Variants in AGBL3 observed in about 807,000 individuals in gnomAD.
The protein encoded by AGBL3 is AGBL carboxypeptidase 3, also known as cytosolic carboxypeptidase 3.
AGBL3 carries 68 observed loss-of-function variants against 94.5 expected under a neutral mutation model. The observed-to-expected ratio is 0.72, with a 90% confidence interval of 0.59 to 0.88. AGBL3 has a LOEUF of 0.88. Ranked by LOEUF, AGBL3 falls within the 40% of genes least tolerant of loss-of-function variation. The pLI is 0.00. For missense variants in AGBL3, 934 were observed against 1,103.8 expected (o/e 0.85, Z 2.18); for synonymous variants, 354 against 370.7 (o/e 0.95, Z 0.52).
chr7:134,993,183 T>A (rs1425942383), intron 3 of AGBL3, among the ~76,000 whole-genome samples: 1 of 152,200 alleles, frequency 6.6e-6, no homozygotes, highest in East Asian at 1.9e-4. Flanking sequence ...ACAAATAGTG[T>A]GACTACATTT....
At chr7:135,016,995 A>C in intron 4 of AGBL3, 57 bp from the exon 5 acceptor site, 1 of 1,143,542 alleles carries the variant, frequency 8.7e-7, no homozygotes, top group Non-Finnish European at 1.3e-6. Flanking sequence ...TATGCAATAA[A>C]ATTTTTCTGT....
rs370203373 is a variant in AGBL3 at position 135,123,414 on chromosome 7, A to G, written c.2342+7803A>G. The stretch of plus-strand genomic sequence containing the variant: ...ACTTCATAAAAAGACTAAACCTACG[A>G]TTGATCAGAGTACCTGAGGGAGACG... On this transcript the variant is annotated intron_variant, in intron 16 of 16. Transcript: ENST00000436302. Among the ~76,000 whole-genome samples the G allele has an allele frequency of 2.8e-4, 42 of 152,320 alleles. No homozygotes were observed. The East Asian group carries it at 3.3e-3, about 12-fold the overall frequency.
chr7:135,019,310 A>G (rs1335217209), intron 5 of AGBL3, among the ~76,000 whole-genome samples: 2 of 152,196 alleles, frequency 1.3e-5, no homozygotes, highest in African/African-American at 4.8e-5. Context: ...TTTCATTTTC[A>G]TAACAATATC....
chr7:135,110,309 C>T (rs746070792), intron 15 of AGBL3, among the ~76,000 whole-genome samples: 9 of 152,174 alleles, frequency 5.9e-5, no homozygotes, highest in Non-Finnish European at 1.0e-4. Context: ...GGATTCAGCC[C>T]CTTTCCTAGG....
intron 5 of AGBL3, among the ~76,000 whole-genome samples, chr7:135,020,090 T>C (rs1302839826): frequency 2.0e-5 from 3 of 152,138 alleles, no homozygotes; most frequent in African/African-American, 4.8e-5. Flanking sequence ...AGAGCTTCTG[T>C]ACAGCAAAAG....
chr7:135,099,438 G>A (rs536783139), intron 15 of AGBL3, among the ~76,000 whole-genome samples: 1 of 152,250 alleles, frequency 6.6e-6, no homozygotes, highest in South Asian at 2.1e-4. Context: ...TTAAATATAT[G>A]AAGTAATTGT....
chr7:134,997,220 T>A (rs889154595), intron 4 of AGBL3, among the ~76,000 whole-genome samples: 1 of 152,204 alleles, frequency 6.6e-6, no homozygotes. Flanking sequence ...AATCTAATGT[T>A]GCTGCTGATC....
At position 135,017,737 on chromosome 7, in the gene AGBL3, C is replaced by G. The variant is rs149995233; in HGVS notation, c.418+578C>G. Among the ~76,000 whole-genome samples, 695 of 152,160 alleles carry G rather than the reference C, an allele frequency of 4.6e-3. 3 individuals carry two copies. Among genetic ancestry groups the G allele is most frequent in the African/African-American group, 0.016 (665 of 41,508 alleles). The stretch of plus-strand genomic sequence containing the variant: ...TGTTTTCGTATATTAAAGATAACTT[C>G]CAGGGAGCATATGTATTTTATTTAA... On this transcript the variant is annotated intron_variant, in intron 5 of 16. Coordinates refer to ENST00000436302, the MANE Select transcript of AGBL3 (RefSeq NM_178563.4).
intron 5 of AGBL3, among the ~76,000 whole-genome samples, chr7:135,019,509 G>T (rs11765959): frequency 0.44 from 66,967 of 151,394 alleles, 15,415 homozygotes; most frequent in East Asian, 0.78. Context: ...TCATTTTTTT[G>T]TGAATGGTTT....
At chr7:135,084,445 A>G (rs977752984) in intron 15 of AGBL3, among the ~76,000 whole-genome samples, 2 of 152,080 alleles carry the variant, frequency 1.3e-5, no homozygotes, top group African/African-American at 4.8e-5. Context: ...TATTCCTCCT[A>G]TGTAGCTGTA....
intron 10 of AGBL3, 55 bp from the exon 11 acceptor site, chr7:135,045,744 T>C: frequency 7.1e-7 from 1 of 1,403,952 alleles, no homozygotes; most frequent in Non-Finnish European, 9.7e-7. Context: ...ACTCAAATAG[T>C]TTAATCAGGA....
Position 135,135,021 on chromosome 7 carries a change from T to C in AGBL3, c.2523T>C (p.His841=), listed in dbSNP as rs1194808852. 2 of 1,551,064 alleles carry C rather than the reference T, an allele frequency of 1.3e-6. No individual in the cohort carries two copies. The highest frequency in any genetic ancestry group is 2.0e-5 in the Admixed American group (1 of 50,946). The change falls in exon 17 of 17, where the codon CAT becomes CAC. Residue 841 remains histidine, a synonymous_variant. Coordinates refer to ENST00000436302, the MANE Select transcript of AGBL3 (RefSeq NM_178563.4). ...SPLKGPKKNK[H]SQIWAIKNED... Reference sequence around the variant, plus strand: ...TCAAAGGCCCCAAGAAGAATAAACATTCTCAAATCTGGGCCATAAAGAATG... The same window carrying C: ...TCAAAGGCCCCAAGAAGAATAAACACTCTCAAATCTGGGCCATAAAGAATG...
intron 11 of AGBL3, among the ~76,000 whole-genome samples, 193 bp downstream of exon 11, chr7:135,046,104 G>A (rs965453872): frequency 6.6e-6 from 1 of 152,132 alleles, no homozygotes; most frequent in African/African-American, 2.4e-5. Context: ...CATGAACATT[G>A]CTATGTACAG....
chr7:135,064,413 G>A (rs912257267), intron 12 of AGBL3, among the ~76,000 whole-genome samples: 1 of 152,174 alleles, frequency 6.6e-6, no homozygotes, highest in African/African-American at 2.4e-5. Flanking sequence ...TTTGATCAGA[G>A]GAATGACATG....
intron 12 of AGBL3, among the ~76,000 whole-genome samples, chr7:135,069,121 C>T (rs1030602607): frequency 3.3e-5 from 5 of 152,042 alleles, no homozygotes; most frequent in East Asian, 1.9e-4. Context: ...AGATCAAAGG[C>T]GACAAAGAAG....
chr7:135,026,866 C>T (rs1313661951), intron 5 of AGBL3, among the ~76,000 whole-genome samples: 2 of 151,416 alleles, frequency 1.3e-5, no homozygotes, highest in Non-Finnish European at 2.9e-5. Context: ...TTGGGTTTGG[C>T]TCTATCTTAT....
intron 7 of AGBL3, among the ~76,000 whole-genome samples, chr7:135,035,622 T>C (rs2116461867): frequency 6.6e-6 from 1 of 152,316 alleles, no homozygotes; most frequent in South Asian, 2.1e-4. Flanking sequence ...AATCTTATAC[T>C]AAGTATTTCT....
intron 12 of AGBL3, among the ~76,000 whole-genome samples, chr7:135,069,265 C>T (rs1819653747): frequency 6.6e-6 from 1 of 152,120 alleles, no homozygotes; most frequent in Non-Finnish European, 1.5e-5. Flanking sequence ...GACTCCCACA[C>T]AATAATAATG....
intron 16 of AGBL3, among the ~76,000 whole-genome samples, chr7:135,120,440 C>A (rs1447520521): frequency 6.6e-6 from 1 of 152,024 alleles, no homozygotes; most frequent in African/African-American, 2.4e-5. Flanking sequence ...ACAGCAACCA[C>A]TGAAAAAGCT....
Sources: gnomAD v4.1 joint callset for allele counts (sites outside exome capture counted in the v4.1 genomes callset) on GRCh38, gnomAD v4.1.1 for gene constraint, MANE v1.5 for transcripts, NCBI Gene and HGNC (gene_info 2026-07-23, HGNC 2026-07-21) for gene names.